Variants in NUBPL observed in about 807,000 individuals in gnomAD.
NUBPL encodes the protein iron-sulfur cluster transfer protein NUBPL.
A neutral mutation model predicts 45.7 loss-of-function variants in NUBPL; 31 were observed. The ratio of observed to expected loss-of-function variants is 0.68; its 90% confidence interval spans 0.51 to 0.92. The LOEUF (loss-of-function observed/expected upper bound fraction) is 0.92, where lower values mean the gene tolerates loss of function less well. Ranked by LOEUF, NUBPL falls within the 40% of genes least tolerant of loss-of-function variation. NUBPL has a pLI of 0.00. For synonymous variants in NUBPL, 144 were observed against 140.9 expected (o/e 1.02, Z -0.15); for missense variants, 401 against 398.7 (o/e 1.01, Z -0.05).
chr14:31,818,354 G>T (rs1011783573), intron 7 of NUBPL, among the ~76,000 whole-genome samples: 2 of 152,014 alleles, frequency 1.3e-5, no homozygotes, highest in African/African-American at 4.8e-5. Context: ...CAGAATATAC[G>T]TTCTTCTTAG....
chr14:31,725,428 A>G (rs1352945073), intron 6 of NUBPL, among the ~76,000 whole-genome samples: 3 of 152,164 alleles, frequency 2.0e-5, no homozygotes, highest in Admixed American at 2.0e-4. Flanking sequence ...AGTGTTTTGG[A>G]TATCAGATTT....
At chr14:31,611,377 G>T (rs968157966) in intron 4 of NUBPL, among the ~76,000 whole-genome samples, 1 of 151,880 alleles carries the variant, frequency 6.6e-6, no homozygotes, top group Non-Finnish European at 1.5e-5. Context: ...AGCAAAATAT[G>T]TCTATAATGA....
intron 6 of NUBPL, among the ~76,000 whole-genome samples, chr14:31,787,016 G>A (rs2039297268): frequency 6.6e-6 from 1 of 152,180 alleles, no homozygotes; most frequent in African/African-American, 2.4e-5. Flanking sequence ...AGAGAGAAGT[G>A]GGTGTGTTTG....
At chr14:31,607,901 A>G (rs1437694713) in intron 4 of NUBPL, among the ~76,000 whole-genome samples, 1 of 152,196 alleles carries the variant, frequency 6.6e-6, no homozygotes, top group Non-Finnish European at 1.5e-5. Context: ...GTTATAAAAC[A>G]AAACAGATTT....
chr14:31,858,816 C>G (rs1286104831), intron 10 of NUBPL, among the ~76,000 whole-genome samples: 3 of 152,198 alleles, frequency 2.0e-5, no homozygotes, highest in Non-Finnish European at 4.4e-5. Context: ...TGTAATCTCT[C>G]TGCAACTAGA....
intron 6 of NUBPL, among the ~76,000 whole-genome samples, chr14:31,704,156 G>A (rs2037396867): frequency 6.6e-6 from 1 of 152,106 alleles, no homozygotes; most frequent in Admixed American, 6.5e-5. Flanking sequence ...TTGGCCTCTT[G>A]CTAGCTCTCA....
chr14:31,627,593 TG>T (rs891050688), intron 4 of NUBPL, among the ~76,000 whole-genome samples: 14 of 151,912 alleles, frequency 9.2e-5, no homozygotes, highest in African/African-American at 2.7e-4. Flanking sequence ...AGTGAAACCT[TG>T]TCTCTACTAA....
chr14:31,742,467 C>T (rs1163930761), intron 6 of NUBPL, among the ~76,000 whole-genome samples: 5 of 152,170 alleles, frequency 3.3e-5, no homozygotes, highest in African/African-American at 9.7e-5. Context: ...GTATTATTAA[C>T]AAGCTTCTAG....
chr14:31,648,596 G>A (rs2035918195), intron 4 of NUBPL, among the ~76,000 whole-genome samples: 1 of 152,200 alleles, frequency 6.6e-6, no homozygotes, highest in Non-Finnish European at 1.5e-5. Flanking sequence ...AGACATATCA[G>A]ATAATCTGCC....
intron 6 of NUBPL, among the ~76,000 whole-genome samples, chr14:31,743,050 G>T (rs533054332): frequency 6.6e-6 from 1 of 152,016 alleles, no homozygotes; most frequent in Admixed American, 6.5e-5. Context: ...TTATCTTTTA[G>T]CTTTCTTACT....
chr14:31,816,043 G>A (rs2039909042), intron 7 of NUBPL, among the ~76,000 whole-genome samples: 1 of 152,248 alleles, frequency 6.6e-6, no homozygotes, highest in East Asian at 1.9e-4. Context: ...GATGATGCTG[G>A]CCTCATAAAA....
intron 6 of NUBPL, among the ~76,000 whole-genome samples, chr14:31,771,142 T>C (rs575702126): frequency 2.3e-4 from 32 of 139,052 alleles, no homozygotes; most frequent in African/African-American, 7.4e-4. Context: ...CTGAATTTAA[T>C]GGTAGATTAT....
At chr14:31,617,207 T>C (rs950685587) in intron 4 of NUBPL, among the ~76,000 whole-genome samples, 1 of 152,200 alleles carries the variant, frequency 6.6e-6, no homozygotes, top group African/African-American at 2.4e-5. Context: ...TATACAATCA[T>C]GTCATCTGCA....
chr14:31,611,518 T>C (rs908725810), intron 4 of NUBPL, among the ~76,000 whole-genome samples: 1 of 152,216 alleles, frequency 6.6e-6, no homozygotes, highest in Non-Finnish European at 1.5e-5. Context: ...ACAGATTCAA[T>C]GCAATCCCTA....
chr14:31,668,788 G>T (rs965089822), intron 4 of NUBPL, among the ~76,000 whole-genome samples: 3 of 152,188 alleles, frequency 2.0e-5, no homozygotes, highest in African/African-American at 7.2e-5. Flanking sequence ...CCTTGGCTAA[G>T]GGAGGGAGGT....
In NUBPL at chr14:31,667,531, C is replaced by T. The variant is rs539795178; in HGVS notation, c.383-5824C>T. Among the ~76,000 whole-genome samples, 4 of 152,058 alleles carry T rather than the reference C, an allele frequency of 2.6e-5. No homozygotes were observed. In the South Asian group the frequency reaches 8.3e-4, roughly 32 times the overall value. On this transcript the variant is annotated intron_variant, in intron 4 of 10. Transcript: ENST00000281081. ...AGCTCAAAGGAGTTTGTTATTATTACCCACCTTCTGCCTACTTCTGTCAAT... is the reference window on the plus strand; with the variant it reads ...AGCTCAAAGGAGTTTGTTATTATTATCCACCTTCTGCCTACTTCTGTCAAT...
At chr14:31,818,140 C>G (rs1225863772) in intron 7 of NUBPL, among the ~76,000 whole-genome samples, 1 of 152,004 alleles carries the variant, frequency 6.6e-6, no homozygotes, top group Non-Finnish European at 1.5e-5. Flanking sequence ...ATATATGCAC[C>G]CAATAAAGGA....
Position 31,669,797 on chromosome 14 carries a change from G to GTTT in NUBPL, c.383-3549_383-3547dup, listed in dbSNP as rs1211411877. On this transcript the variant is annotated intron_variant, in intron 4 of 10. Coordinates refer to ENST00000281081, the MANE Select transcript of NUBPL (RefSeq NM_025152.3). The stretch of plus-strand genomic sequence containing the variant: ...TCTTCCTGCAAAAGACATGATCTTG[G>GTTT]TTTTTTTTTTTGTTTTTTTTTTTTT... Among the ~76,000 whole-genome samples, 57 of 68,626 alleles carry GTTT rather than the reference G, an allele frequency of 8.3e-4. 7 individuals carry two copies. Among genetic ancestry groups the GTTT allele is most frequent in the African/African-American group, 2.1e-3 (36 of 17,064 alleles). The allele number at this position is 68,626 out of a possible 152,430, so 45.0% of individuals were successfully genotyped here. A position where few individuals can be genotyped will look rare whatever the true frequency, so the allele number is the denominator to read the frequency against.
At chr14:31,654,384 T>C (rs1268152055) in intron 4 of NUBPL, among the ~76,000 whole-genome samples, 2 of 151,924 alleles carry the variant, frequency 1.3e-5, no homozygotes, top group African/African-American at 4.8e-5. Context: ...GAATGTTGGG[T>C]TGGGTATGGC....
Sources: gnomAD v4.1 joint callset for allele counts (sites outside exome capture counted in the v4.1 genomes callset) on GRCh38, gnomAD v4.1.1 for gene constraint, MANE v1.5 for transcripts, NCBI Gene and HGNC (gene_info 2026-07-23, HGNC 2026-07-21) for gene names.